The following TFCP2L1 variants were observed in gnomAD, a reference collection of about 807,000 sequenced individuals.
TFCP2L1 encodes transcription factor CP2 like 1.
TFCP2L1 carries 12 observed loss-of-function variants against 72.2 expected under a neutral mutation model. That is an observed-to-expected ratio of 0.17 (90% CI 0.11 to 0.27). TFCP2L1 has a LOEUF of 0.27. Among genes scored for constraint, TFCP2L1 ranks in the 10% least tolerant of loss-of-function variants. TFCP2L1 has a pLI of 1.00. For synonymous variants in TFCP2L1, 260 were observed against 251.0 expected (o/e 1.04, Z -0.34); for missense variants, 488 against 624.6 (o/e 0.78, Z 2.33).
At chr2:121,253,341 C>T (rs1027704175) in intron 2 of TFCP2L1, among the ~76,000 whole-genome samples, 4 of 152,208 alleles carry the variant, frequency 2.6e-5, no homozygotes, top group Admixed American at 1.3e-4. Context: ...GGAGATGTGA[C>T]GCCTAAAAAG....
intron 14 of TFCP2L1, among the ~76,000 whole-genome samples, 170 bp downstream of exon 14, chr2:121,225,392 A>C (rs1459832882): frequency 6.6e-6 from 1 of 152,150 alleles, no homozygotes; most frequent in Non-Finnish European, 1.5e-5. Context: ...CCTGGGGGCC[A>C]ATCTCACTAG....
chr2:121,284,528 G>C (rs1317790962), intron 1 of TFCP2L1, among the ~76,000 whole-genome samples: 1 of 152,228 alleles, frequency 6.6e-6, no homozygotes, highest in Admixed American at 6.5e-5. Context: ...ACCATCGCGG[G>C]AAGTGGGGCG....
intron 2 of TFCP2L1, among the ~76,000 whole-genome samples, chr2:121,276,180 T>C (rs1346493031): frequency 1.3e-5 from 2 of 152,138 alleles, no homozygotes; most frequent in African/African-American, 4.8e-5. Context: ...ACCCGTAACC[T>C]ACGTTAGGTA....
intron 1 of TFCP2L1, 109 bp from the exon 2 acceptor site, chr2:121,281,380 C>G: frequency 1.6e-6 from 2 of 1,281,584 alleles, no homozygotes; most frequent in Non-Finnish European, 2.1e-6. Flanking sequence ...CAGGGTGACA[C>G]GGCACGCGCA....
chr2:121,247,253 A>G (rs1686508356), intron 5 of TFCP2L1, among the ~76,000 whole-genome samples: 1 of 152,026 alleles, frequency 6.6e-6, no homozygotes, highest in Admixed American at 6.6e-5. Flanking sequence ...TGACCCCAAT[A>G]ACCTCAACCT....
chr2:121,277,257 C>G (rs1204669062), intron 2 of TFCP2L1, among the ~76,000 whole-genome samples: 1 of 152,186 alleles, frequency 6.6e-6, no homozygotes, highest in African/African-American at 2.4e-5. Flanking sequence ...CACAGCTACT[C>G]AGGAAGCTGA....
chr2:121,228,772 C>CAAAAAAAAAAAAA (rs59300568), intron 13 of TFCP2L1, among the ~76,000 whole-genome samples: 1 of 58,180 alleles, frequency 1.7e-5, no homozygotes, highest in Non-Finnish European at 2.8e-5. Context: ...CCGTGACTCA[C>CAAAAAAAAAAAAA]AAAAAAAAAA....
intron 2 of TFCP2L1, among the ~76,000 whole-genome samples, chr2:121,276,990 A>G (rs540839070): frequency 5.9e-5 from 9 of 152,266 alleles, no homozygotes; most frequent in Admixed American, 2.6e-4. Context: ...AAATATAGTT[A>G]TCACCCAACG....
chr2:121,241,793 T>A (rs1247950986), intron 7 of TFCP2L1, among the ~76,000 whole-genome samples: 1 of 152,118 alleles, frequency 6.6e-6, no homozygotes. Flanking sequence ...TCACACATGA[T>A]GCCATGCAGC....
At chr2:121,274,129 A>T (rs1045676758) in intron 2 of TFCP2L1, among the ~76,000 whole-genome samples, 1 of 151,904 alleles carries the variant, frequency 6.6e-6, no homozygotes, top group Non-Finnish European at 1.5e-5. Context: ...AACCAATTGT[A>T]TCAATGCCTT....
At chr2:121,255,368 G>C (rs764135264) in intron 2 of TFCP2L1, among the ~76,000 whole-genome samples, 3 of 152,088 alleles carry the variant, frequency 2.0e-5, no homozygotes, top group Non-Finnish European at 4.4e-5. Context: ...TGTAAAATGT[G>C]GGGGGGAGGG....
intron 2 of TFCP2L1, among the ~76,000 whole-genome samples, chr2:121,264,962 T>C (rs989480786): frequency 1.3e-5 from 2 of 152,180 alleles, no homozygotes; most frequent in African/African-American, 4.8e-5. Context: ...GACCCAGCAA[T>C]TCCCCTCCTA....
chr2:121,280,629 T>C (rs1489046132), intron 2 of TFCP2L1, among the ~76,000 whole-genome samples: 2 of 151,418 alleles, frequency 1.3e-5, no homozygotes, highest in Non-Finnish European at 2.9e-5. Flanking sequence ...GGCATGGCGG[T>C]CTACACCTGT....
intron 13 of TFCP2L1, 109 bp downstream of exon 13, chr2:121,231,717 G>A (rs1686147024): frequency 6.8e-7 from 1 of 1,476,058 alleles, no homozygotes; most frequent in Non-Finnish European, 9.1e-7. Context: ...GTGTGCAGAT[G>A]AACCTGTCTG....
chr2:121,249,629 C>T lies in TFCP2L1; in HGVS notation c.233G>A (p.Arg78Gln), dbSNP rs747701705. The change falls in exon 3 of 15, where the codon CGA (arginine) becomes CAA (glutamine). Residue 78 changes from arginine to glutamine, a missense_variant. Physicochemically the swap from Arg to Gln is conservative, Grantham distance 43. Transcript: ENST00000263707. ...YLNQGQSYEI[R>Q]LLENRKLGDF... ...TCCCAGCTTCCGATTCTCCAGTAGTCGGATTTCATAAGACTGACCTGGATG... is the reference window on the plus strand; with the variant it reads ...TCCCAGCTTCCGATTCTCCAGTAGTTGGATTTCATAAGACTGACCTGGATG... The T allele has an allele frequency of 8.7e-6, 14 of 1,614,074 alleles. No individual in the cohort carries two copies. Among genetic ancestry groups the T allele is most frequent in the East Asian group, 6.7e-5 (3 of 44,892 alleles).
intron 6 of TFCP2L1, among the ~76,000 whole-genome samples, chr2:121,246,413 C>T (rs1686482701): frequency 6.6e-6 from 1 of 152,194 alleles, no homozygotes; most frequent in Non-Finnish European, 1.5e-5. Context: ...AGGCCTCCAG[C>T]AGGGAGAGAC....
intron 2 of TFCP2L1, among the ~76,000 whole-genome samples, chr2:121,267,520 G>A (rs1686955147): frequency 6.6e-6 from 1 of 150,858 alleles, no homozygotes. Flanking sequence ...TTGGGACGGA[G>A]TCTCGCTCTG....
chr2:121,255,799 G>A (rs1686704660), intron 2 of TFCP2L1, among the ~76,000 whole-genome samples: 1 of 150,896 alleles, frequency 6.6e-6, no homozygotes, highest in Non-Finnish European at 1.5e-5. Context: ...CTGGAGTACA[G>A]CGGCACGATC....
At chr2:121,270,877 C>CTTGT (rs1553435272) in intron 2 of TFCP2L1, among the ~76,000 whole-genome samples, 1 of 136,862 alleles carries the variant, frequency 7.3e-6, no homozygotes, top group Admixed American at 7.3e-5. Flanking sequence ...TCTAAACACA[C>CTTGT]TTTTTTTTTT....
Sources: allele counts gnomAD v4.1 joint callset (sites outside exome capture counted in the v4.1 genomes callset), GRCh38; gene constraint gnomAD v4.1.1; transcripts MANE v1.5; gene names NCBI Gene and HGNC (gene_info 2026-07-23, HGNC 2026-07-21).